The following SERINC5 variants were observed in gnomAD, a reference collection of about 807,000 sequenced individuals.
The protein encoded by SERINC5 is serine incorporator 5.
Under a neutral mutation model 63.1 loss-of-function variants are expected in SERINC5, and 41 were observed. The ratio of observed to expected loss-of-function variants is 0.65; its 90% CI spans 0.51 to 0.84. The LOEUF (loss-of-function observed/expected upper bound fraction) is 0.84. Ranked by LOEUF, SERINC5 falls within the 40% of genes least tolerant of loss-of-function variation. The pLI, the probability that SERINC5 is intolerant of heterozygous loss-of-function variation, is 0.00. For synonymous variants in SERINC5, 222 were observed against 215.2 expected (o/e 1.03, Z -0.28); for missense variants, 523 against 573.0 (o/e 0.91, Z 0.89).
intron 1 of SERINC5, among the ~76,000 whole-genome samples, chr5:80,244,021 C>T (rs1487797690): frequency 6.6e-6 from 1 of 152,058 alleles, no homozygotes; most frequent in African/African-American, 2.4e-5. Flanking sequence ...ACTTCAGCAT[C>T]CTGCAATTTG....
At chr5:80,169,762 C>T (rs1747529648) in intron 5 of SERINC5, among the ~76,000 whole-genome samples, 1 of 152,188 alleles carries the variant, frequency 6.6e-6, no homozygotes, top group South Asian at 2.1e-4. Context: ...TTGACTCAAG[C>T]TGAGAATTTT....
intron 2 of SERINC5, among the ~76,000 whole-genome samples, chr5:80,199,818 G>C (rs10056337): frequency 0.3 from 45,209 of 152,000 alleles, 6,962 homozygotes; most frequent in African/African-American, 0.32. Flanking sequence ...CCAGTGCACA[G>C]CAGAGTTCCC....
At chr5:80,243,743 TTAAATAAATAAATAAATAAA>T (rs70982044) in intron 1 of SERINC5, among the ~76,000 whole-genome samples, 3 of 140,052 alleles carry the variant, frequency 2.1e-5, no homozygotes, top group Non-Finnish European at 4.6e-5. Flanking sequence ...CTGTCTCTAT[TTAAATAAATAAATAAATAAA>T]TAAATAAATA....
chr5:80,169,538 C>A lies in SERINC5; in HGVS notation c.560G>T (p.Gly187Val). Residue 187 changes from glycine to valine, a missense_variant, in exon 6 of 12, where the codon GGC becomes GTC. Transcript: ENST00000507668. ...AHKWNKNWTA[G>V]TASNKLWYAS... ...GTACCACAGCTTGTTACTGGCTGTGCCTGCTGTCCTGTTTCTCCGGGAAGT... is the reference window on the plus strand; with the variant it reads ...GTACCACAGCTTGTTACTGGCTGTGACTGCTGTCCTGTTTCTCCGGGAAGT... 6.2e-7 allele frequency: 1 copy of A among 1,612,044 alleles called. No homozygotes were observed. Among genetic ancestry groups the A allele is most frequent in the Non-Finnish European group, 8.5e-7 (1 of 1,178,938 alleles).
rs539325635 is a variant in SERINC5 at position 80,202,939 on chromosome 5, C to T, written c.142G>A (p.Val48Ile). The change falls in exon 2 of 12, where the codon GTC (valine) becomes ATC (isoleucine). Residue 48 changes from valine to isoleucine, a missense_variant. Val to Ile is a conservative substitution (Grantham distance 29). Transcript: ENST00000507668. ...GTTGACATCATGATGCAGCAGAGGA[C>T]GACGACCAGAATGAAGTAGAGGGCG... ...MYALYFILVV[V>I]LCCIMMSTTV... 90 of 1,613,126 alleles carry T rather than the reference C, an allele frequency of 5.6e-5. No homozygotes were observed. The highest frequency in any genetic ancestry group is 1.7e-4 in the African/African-American group (13 of 74,990).
At chr5:80,251,587 A>G (rs1470056096) in intron 1 of SERINC5, among the ~76,000 whole-genome samples, 1 of 152,002 alleles carries the variant, frequency 6.6e-6, no homozygotes, top group Non-Finnish European at 1.5e-5. Context: ...AAAATTAGCC[A>G]GATGTAGTGG....
chr5:80,212,858 G>T (rs1278170077), intron 1 of SERINC5, among the ~76,000 whole-genome samples: 1 of 152,202 alleles, frequency 6.6e-6, no homozygotes, highest in Non-Finnish European at 1.5e-5. Context: ...ACAAATGGTT[G>T]TATTCTAGAA....
chr5:80,192,530 C>T (rs901996564), intron 2 of SERINC5, among the ~76,000 whole-genome samples: 1 of 151,996 alleles, frequency 6.6e-6, no homozygotes, highest in African/African-American at 2.4e-5. Context: ...GAGAATGTGT[C>T]TATGAGCTTC....
intron 1 of SERINC5, among the ~76,000 whole-genome samples, chr5:80,249,971 T>C (rs936876142): frequency 1.3e-5 from 2 of 152,198 alleles, no homozygotes; most frequent in African/African-American, 2.4e-5. Context: ...ATTTTTGTAA[T>C]TGGATCCCTT....
Position 80,142,263 on chromosome 5 carries a change from G to C in SERINC5, c.*1400C>G, listed in dbSNP as rs1745554426. On this transcript the variant is annotated 3_prime_UTR_variant, in exon 12 of 12. Transcript: ENST00000507668. The stretch of plus-strand genomic sequence containing the variant: ...GAAAGTCACGTTTCTGTATTACTTT[G>C]CAAGTACGTATTTTGGAAATTCCTG... The C allele has an allele frequency of 1.0e-6, 1 of 985,246 alleles. No individual in the cohort carries two copies. The highest frequency in any genetic ancestry group is 1.2e-6 in the Non-Finnish European group (1 of 829,942). The allele number at this position is 985,246 out of a possible 1,614,324, so 61.0% of individuals were successfully genotyped here.
Position 80,143,719 on chromosome 5 carries a change from A to AC in SERINC5, c.1329dup (p.Tyr444ValfsTer39). Reference sequence around the variant, plus strand: ...AGGGGAGCGACCAGCGTACACAGGTACAACAGCACGCATATCCAGCAGGAG... The same window carrying AC: ...AGGGGAGCGACCAGCGTACACAGGTACCAACAGCACGCATATCCAGCAGGAG... On this transcript the variant is annotated frameshift_variant, in exon 12 of 12. Transcript: ENST00000507668. LOFTEE classifies it high-confidence loss of function. 6.5e-7 allele frequency: 1 copy of AC among 1,536,164 alleles called. No individual in the cohort carries two copies. Among genetic ancestry groups the AC allele is most frequent in the Non-Finnish European group, 8.7e-7 (1 of 1,146,886 alleles).
chr5:80,143,858 G>C (rs1040287304), intron 11 of SERINC5, 48 bp from the exon 12 acceptor site: 1 of 1,528,200 alleles, frequency 6.5e-7, no homozygotes, highest in African/African-American at 1.4e-5. Flanking sequence ...AATATATTGA[G>C]ATACAATTCA....
In SERINC5 at chr5:80,141,313, T is replaced by C; in HGVS notation, c.*2350A>G. Reference sequence around the variant, plus strand: ...TCTGGAAAACGTTGTGTGGCTGGGCTGGCTCCAGAAGGAAGCGACGAGGGC... The same window carrying C: ...TCTGGAAAACGTTGTGTGGCTGGGCCGGCTCCAGAAGGAAGCGACGAGGGC... On this transcript the variant is annotated 3_prime_UTR_variant, in exon 12 of 12. Coordinates refer to ENST00000507668, the MANE Select transcript of SERINC5 (RefSeq NM_001174072.3). 2 of 985,484 alleles carry C rather than the reference T, an allele frequency of 2.0e-6. No individual in the cohort carries two copies. The highest frequency in any genetic ancestry group is 2.4e-6 in the Non-Finnish European group (2 of 829,950). The allele number at this position is 985,484 out of a possible 1,614,324, so 61.0% of individuals were successfully genotyped here.
downstream of SERINC5, among the ~76,000 whole-genome samples, chr5:80,137,357 G>A (rs967312658): frequency 6.6e-6 from 1 of 151,812 alleles, no homozygotes; most frequent in African/African-American, 2.4e-5. Flanking sequence ...TAAAGAATAT[G>A]TGGCCAGGCA....
chr5:80,170,380 C>T (rs7721370), intron 5 of SERINC5, among the ~76,000 whole-genome samples: 44,757 of 151,888 alleles, frequency 0.29, 7,910 homozygotes, highest in African/African-American at 0.5. Flanking sequence ...TTGAGGGCAG[C>T]CATCCGGGTT....
At chr5:80,133,650 A>G (rs1048323305) in intron 11 of SERINC5, among the ~76,000 whole-genome samples, 1 of 152,256 alleles carries the variant, frequency 6.6e-6, no homozygotes, top group South Asian at 2.1e-4. Flanking sequence ...AACAAATCTA[A>G]GATGCTGTAA....
chr5:80,182,945 T>C (rs1748548787), intron 2 of SERINC5, among the ~76,000 whole-genome samples: 1 of 152,118 alleles, frequency 6.6e-6, no homozygotes, highest in Non-Finnish European at 1.5e-5. Context: ...AAGGAAGCCA[T>C]TTTTCCCTTC....
chr5:80,146,177 T>G lies in SERINC5; in HGVS notation c.1151A>C (p.Lys384Thr). The change falls in exon 11 of 12, where the codon AAA (lysine) becomes ACA (threonine). Residue 384 changes from lysine (K) to threonine (T), a missense_variant. Transcript: ENST00000507668. Reference sequence around the variant, plus strand: ...GTAGGAGTAGATGTAGACGGTGCCTTTCTTCTCGTCATAAATGACCCGTGG... The same window carrying G: ...GTAGGAGTAGATGTAGACGGTGCCTGTCTTCTCGTCATAAATGACCCGTGG... ...EGPRVIYDEK[K>T]GTVYIYSYFH... 1 of 1,613,982 alleles carries G rather than the reference T, an allele frequency of 6.2e-7. No homozygotes were observed. The highest frequency in any genetic ancestry group is 8.5e-7 in the Non-Finnish European group (1 of 1,179,862).
At position 80,142,825 on chromosome 5, in the gene SERINC5, G is replaced by C. The variant is rs985841024; in HGVS notation, c.*838C>G. ...ATCAACAGCACAAACAAGTAAGAAT[G>C]ATAGCCCTCCATTGCTTAGGCAGAG... On this transcript the variant is annotated 3_prime_UTR_variant, in exon 12 of 12. Coordinates refer to ENST00000507668, the MANE Select transcript of SERINC5 (RefSeq NM_001174072.3). The C allele has an allele frequency of 1.0e-6, 1 of 985,406 alleles. No individual in the cohort carries two copies. Among genetic ancestry groups the C allele is most frequent in the Non-Finnish European group, 1.2e-6 (1 of 829,918 alleles). The allele number at this position is 985,406 out of a possible 1,614,324, so 61.0% of individuals were successfully genotyped here. A position where few individuals can be genotyped will look rare whatever the true frequency, so the allele number is the denominator to read the frequency against.
Sources: allele counts gnomAD v4.1 joint callset (sites outside exome capture counted in the v4.1 genomes callset), GRCh38; gene constraint gnomAD v4.1.1; transcripts MANE v1.5; gene names NCBI Gene and HGNC (gene_info 2026-07-23, HGNC 2026-07-21).